TRIM66: variants seen among roughly 807,000 people sequenced by gnomAD.
TRIM66 encodes the protein tripartite motif-containing protein 66.
TRIM66 carries 99 observed loss-of-function variants against 148.2 expected under a neutral mutation model. The ratio of observed to expected loss-of-function variants is 0.67; its 90% CI spans 0.57 to 0.79. The LOEUF (loss-of-function observed/expected upper bound fraction) is 0.79, where lower values mean the gene tolerates loss of function less well. Among genes scored for constraint, TRIM66 ranks in the 30% least tolerant of loss-of-function variants. The probability of loss-of-function intolerance (pLI) is 0.00; values close to 1 mark genes in which losing one functional copy is unlikely to be tolerated. For missense variants in TRIM66, 1,666 were observed against 1,697.9 expected (o/e 0.98, Z 0.33); for synonymous variants, 616 against 635.9 (o/e 0.97, Z 0.47).
chr11:8,673,518 T>C (rs2039041871), intron 4 of TRIM66, among the ~76,000 whole-genome samples: 1 of 152,140 alleles, frequency 6.6e-6, no homozygotes, highest in Non-Finnish European at 1.5e-5. Flanking sequence ...AACAACATTG[T>C]GGCACAAAAT....
At chr11:8,644,737 TA>T (rs2036701843) in intron 12 of TRIM66, among the ~76,000 whole-genome samples, 1 of 152,358 alleles carries the variant, frequency 6.6e-6, no homozygotes, top group South Asian at 2.1e-4. Context: ...GCTATGTTTT[TA>T]TTTTTCTTCT....
intron 15 of TRIM66, among the ~76,000 whole-genome samples, chr11:8,634,770 A>C (rs2035732227): frequency 6.6e-6 from 1 of 152,222 alleles, no homozygotes; most frequent in African/African-American, 2.4e-5. Context: ...CCATCGGCTC[A>C]CATAGCACCA....
chr11:8,657,073 G>C (rs576429229), intron 6 of TRIM66, among the ~76,000 whole-genome samples: 33 of 152,340 alleles, frequency 2.2e-4, no homozygotes, highest in Middle Eastern at 3.4e-3. Flanking sequence ...CAGCAAGGAA[G>C]TGGGGCCCAC....
Position 8,617,921 on chromosome 11 carries a change from A to G in TRIM66, c.*23T>C, listed in dbSNP as rs753440295. 5.2e-6 allele frequency: 8 copies of G among 1,551,190 alleles called. No homozygotes were observed. The highest frequency in any genetic ancestry group is 5.2e-6 in the Non-Finnish European group (6 of 1,146,638). ...GACAGTATGGGACAACAGCTGCCAG[A>G]GTGCCCAGTCTCCTTTTGGCTCTCA... On this transcript the variant is annotated 3_prime_UTR_variant, in exon 25 of 25. Coordinates refer to ENST00000646038, the MANE Select transcript of TRIM66 (RefSeq NM_001388022.1).
intron 13 of TRIM66, among the ~76,000 whole-genome samples, chr11:8,642,536 G>A (rs139785167): frequency 5.3e-5 from 8 of 152,194 alleles, no homozygotes; most frequent in African/African-American, 1.9e-4. Context: ...TGAATTATCT[G>A]CTTACATCTC....
rs532758302 is a variant in TRIM66 at position 8,614,696 on chromosome 11, C to G, written c.*3248G>C. ...CCAGGAACAAACAAGGAGGCGCCTC[C>G]GTCTTAGCAGCCAGGCAAGGAGCTG... On this transcript the variant is annotated 3_prime_UTR_variant, in exon 25 of 25. Coordinates refer to ENST00000646038, the MANE Select transcript of TRIM66 (RefSeq NM_001388022.1). 1 of 152,648 alleles carries G rather than the reference C, an allele frequency of 6.6e-6. No individual in the cohort carries two copies. Among genetic ancestry groups the G allele is most frequent in the African/African-American group, 2.4e-5 (1 of 41,454 alleles). The allele number at this position is 152,648 out of a possible 1,614,324, so 9.5% of individuals were successfully genotyped here.
Position 8,621,119 on chromosome 11 carries a change from A to G in TRIM66, c.3458T>C (p.Leu1153Pro). ...IENEDFCAVC[L>P]NGGELLCCDR... ...ACAGCACAGTAACTCTCCGCCATTG[A>G]GGCAAACAGCACAGAAGTCCTCATT... The change falls in exon 20 of 25, where the codon CTC becomes CCC. Residue 1153 changes from leucine to proline, a missense_variant. Physicochemically the swap from Leu to Pro is moderately conservative, Grantham distance 98. This residue lies in a region of TRIM66 where 1,431 missense variants were observed against 1,412.4 expected (regional missense o/e 1.01). Coordinates refer to ENST00000646038, the MANE Select transcript of TRIM66 (RefSeq NM_001388022.1). 6.4e-7 allele frequency: 1 copy of G among 1,551,714 alleles called. No individual in the cohort carries two copies. The highest frequency in any genetic ancestry group is 8.7e-7 in the Non-Finnish European group (1 of 1,146,988).
rs1219729830 is a variant in TRIM66 at position 8,621,719 on chromosome 11, G to A, written c.3181C>T (p.Gln1061Ter). The part of the protein sequence containing the change: ...GEMPVFKLKP[Q>*]KNDQDGSFLL... The stretch of plus-strand genomic sequence containing the variant: ...AAGCTCCCATCCTGATCATTCTTCT[G>A]TGGCTTCAGTTTGAACACAGGCATC... Residue 1061 changes from glutamine to a stop codon, truncating the protein, a stop_gained, in exon 19 of 25, where the codon CAG becomes TAG. Transcript: ENST00000646038. LOFTEE classifies it high-confidence loss of function. 12 of 1,551,662 alleles carry A rather than the reference G, an allele frequency of 7.7e-6. No individual in the cohort carries two copies. Among genetic ancestry groups the A allele is most frequent in the Non-Finnish European group, 1.0e-5 (12 of 1,147,028 alleles).
Position 8,622,365 on chromosome 11 carries a change from C to CACACACACACATATATATATATATAT in TRIM66, c.3080+450_3080+451insATATATATATATATATGTGTGTGTGT. 7.0e-3 allele frequency among the ~76,000 whole-genome samples: 414 copies of CACACACACACATATATATATATATAT among 59,444 alleles called. 11 individuals are homozygous for CACACACACACATATATATATATATAT. The highest frequency in any genetic ancestry group is 0.012 in the Non-Finnish European group (296 of 25,512). The allele number at this position is 59,444 out of a possible 152,430, so 39.0% of individuals were successfully genotyped here. On this transcript the variant is annotated intron_variant, in intron 18 of 24. Transcript: ENST00000646038. ...ACACACACACACACACACACACACA[C>CACACACACACATATATATATATATAT]ATATATATATATATATATCTCCTAC...
intron 3 of TRIM66, among the ~76,000 whole-genome samples, chr11:8,677,945 C>T (rs961652530): frequency 6.6e-6 from 1 of 152,136 alleles, no homozygotes; most frequent in Admixed American, 6.6e-5. Flanking sequence ...AAGAAAACCT[C>T]GCCTGATCCT....
In TRIM66 at chr11:8,651,982, A is replaced by G. The variant is rs977450069; in HGVS notation, c.341-79T>C. ...AGGCCTGGACATAAGGCTTTCTAATACACAACACCAAGATACATGGCAATA... is the reference window on the plus strand; with the variant it reads ...AGGCCTGGACATAAGGCTTTCTAATGCACAACACCAAGATACATGGCAATA... On this transcript the variant is annotated intron_variant, in intron 6 of 24. Transcript: ENST00000646038. The G allele has an allele frequency of 1.7e-5, 19 of 1,138,676 alleles. No individual in the cohort carries two copies. In the East Asian group the frequency reaches 2.6e-4, roughly 15 times the overall value. The allele number at this position is 1,138,676 out of a possible 1,614,324, so 70.5% of individuals were successfully genotyped here. A position where few individuals can be genotyped will look rare whatever the true frequency, so the allele number is the denominator to read the frequency against.
chr11:8,682,956 G>T, upstream of TRIM66: 1 of 1,214,764 alleles, frequency 8.2e-7, no homozygotes, highest in East Asian at 2.4e-5. Flanking sequence ...AGGGTGGCCG[G>T]CGCGGGCCCG....
chr11:8,622,723 T>C, intron 18 of TRIM66, 93 bp downstream of exon 18: 1 of 1,196,846 alleles, frequency 8.4e-7, no homozygotes, highest in South Asian at 1.3e-5. Context: ...TTCTTCCACT[T>C]GTAGTTAATT....
At chr11:8,654,986 G>A (rs1353141846) in intron 6 of TRIM66, among the ~76,000 whole-genome samples, 2 of 151,986 alleles carry the variant, frequency 1.3e-5, no homozygotes, top group South Asian at 2.1e-4. Flanking sequence ...TCAGCCTCCT[G>A]AGTAGCTGGG....
At chr11:8,677,353 A>G (rs7130096) in intron 3 of TRIM66, among the ~76,000 whole-genome samples, 152,309 of 152,352 alleles carry the variant, frequency 1, 76,133 homozygotes, top group Middle Eastern at 1. Flanking sequence ...GGCACCTAGC[A>G]TAGGAACATA....
intron 12 of TRIM66, 28 bp downstream of exon 12, chr11:8,645,713 G>T (rs1230213710): frequency 1.3e-6 from 2 of 1,551,090 alleles, no homozygotes; most frequent in African/African-American, 2.7e-5. Flanking sequence ...TTCAAGGACA[G>T]GCTGAGGAGT....
chr11:8,624,573 C>T (rs2034629189), intron 16 of TRIM66, 22 bp from the exon 17 acceptor site: 3 of 1,517,456 alleles, frequency 2.0e-6, no homozygotes, highest in Non-Finnish European at 1.8e-6. Flanking sequence ...GAAATGTCGA[C>T]AAGAATCAAA....
chr11:8,654,848 GTTTTGT>G (rs1206235394), intron 6 of TRIM66, among the ~76,000 whole-genome samples: 1 of 151,926 alleles, frequency 6.6e-6, no homozygotes, highest in Admixed American at 6.6e-5. Flanking sequence ...CTGCATTTCT[GTTTTGT>G]TTTTGTTTGT....
chr11:8,683,184 C>G (rs777423827), upstream of TRIM66: 17 of 1,613,856 alleles, frequency 1.1e-5, no homozygotes, highest in Middle Eastern at 3.3e-4. Context: ...GCCTTACCAC[C>G]AAGCTTTTTC....
Sources: gnomAD v4.1 joint callset for allele counts (sites outside exome capture counted in the v4.1 genomes callset) on GRCh38, gnomAD v4.1.1 for gene constraint, gnomAD v4.1.1 regional missense constraint, MANE v1.5 for transcripts, NCBI Gene and HGNC (gene_info 2026-07-23, HGNC 2026-07-21) for gene names.